The following TSC22D2 variants were observed in gnomAD, a reference collection of about 807,000 sequenced individuals.
TSC22D2 encodes TSC22 domain family protein 2.
TSC22D2 carries 5 observed loss-of-function variants against 50.1 expected under a neutral mutation model. The ratio of observed to expected loss-of-function variants is 0.10; its 90% CI spans 0.05 to 0.21. TSC22D2 has a LOEUF of 0.21. Ranked by LOEUF, TSC22D2 falls within the 10% of genes least tolerant of loss-of-function variation. The probability of loss-of-function intolerance (pLI) is 1.00; values close to 1 mark genes in which losing one functional copy is unlikely to be tolerated. For synonymous variants in TSC22D2, 501 were observed against 450.1 expected (o/e 1.11, Z -1.43); for missense variants, 1,003 against 1,015.5 (o/e 0.99, Z 0.17).
intron 1 of TSC22D2, among the ~76,000 whole-genome samples, chr3:150,447,189 T>C (rs1720913192): frequency 1.3e-5 from 2 of 152,244 alleles, no homozygotes; most frequent in South Asian, 2.1e-4. Context: ...AGAAATAATA[T>C]GTTGAATGCT....
At chr3:150,428,489 A>T (rs915251808) in intron 1 of TSC22D2, among the ~76,000 whole-genome samples, 1 of 152,084 alleles carries the variant, frequency 6.6e-6, no homozygotes, top group African/African-American at 2.4e-5. Context: ...GCCATTGTGA[A>T]TGACAGCATT....
intron 1 of TSC22D2, among the ~76,000 whole-genome samples, chr3:150,417,431 A>G (rs1719853714): frequency 6.6e-6 from 1 of 152,108 alleles, no homozygotes; most frequent in South Asian, 2.1e-4. Flanking sequence ...AAGACAAAAC[A>G]AAGGAGGGAG....
chr3:150,439,658 C>G (rs1278362801), intron 1 of TSC22D2, among the ~76,000 whole-genome samples: 3 of 151,716 alleles, frequency 2.0e-5, no homozygotes, highest in Non-Finnish European at 4.4e-5. Flanking sequence ...GTGAAAGGTT[C>G]AGAGCATTTG....
intron 1 of TSC22D2, among the ~76,000 whole-genome samples, chr3:150,453,033 A>G (rs1204712588): frequency 6.6e-6 from 1 of 152,208 alleles, no homozygotes; most frequent in African/African-American, 2.4e-5. Context: ...CAGTAATTGT[A>G]ACACTTGATT....
At chr3:150,447,927 T>G (rs1213535318) in intron 1 of TSC22D2, among the ~76,000 whole-genome samples, 1 of 152,160 alleles carries the variant, frequency 6.6e-6, no homozygotes, top group Non-Finnish European at 1.5e-5. Flanking sequence ...TTACATCCCT[T>G]GGTATGTATT....
intron 1 of TSC22D2, among the ~76,000 whole-genome samples, chr3:150,427,021 TTA>T (rs1720215569): frequency 6.6e-6 from 1 of 152,134 alleles, no homozygotes; most frequent in Non-Finnish European, 1.5e-5. Context: ...ACTAAGCTGT[TTA>T]TGTCATAAAT....
chr3:150,409,166 C>A lies in TSC22D2; in HGVS notation c.-185C>A, dbSNP rs1719393723. 1 of 563,494 alleles carries A rather than the reference C, an allele frequency of 1.8e-6. No homozygotes were observed. The highest frequency in any genetic ancestry group is 3.1e-6 in the Non-Finnish European group (1 of 326,362). 34.9% of individuals were successfully genotyped at this position (563,494 alleles called of 1,614,324 possible). A position where few individuals can be genotyped will look rare whatever the true frequency, so the allele number is the denominator to read the frequency against. On this transcript the variant is annotated 5_prime_UTR_variant, in exon 1 of 3. Coordinates refer to ENST00000688009, the MANE Select transcript of TSC22D2 (RefSeq NM_001303264.2). This position sits in a 1 kb window ranked among gnomAD's most constrained non-coding sequence, Gnocchi z 7.4. ...GAAGAGACCGACACAGAGAAGGAAA[C>A]GAGGAGGAGGATGTCTCACCGGGCG... is the stretch of plus-strand genomic sequence containing the variant.
intron 1 of TSC22D2, among the ~76,000 whole-genome samples, chr3:150,417,234 T>C (rs1719846053): frequency 6.6e-6 from 1 of 152,182 alleles, no homozygotes; most frequent in Non-Finnish European, 1.5e-5. Context: ...GGCATAGTTT[T>C]AAATGTTAGT....
intron 2 of TSC22D2, among the ~76,000 whole-genome samples, chr3:150,457,366 A>AG (rs1202758766): frequency 2.0e-5 from 3 of 152,182 alleles, no homozygotes; most frequent in Non-Finnish European, 2.9e-5. Flanking sequence ...ATCATTGATA[A>AG]GGGCCATTGG....
chr3:150,424,180 A>T (rs1436465646), intron 1 of TSC22D2, among the ~76,000 whole-genome samples: 1 of 152,190 alleles, frequency 6.6e-6, no homozygotes, highest in Non-Finnish European at 1.5e-5. Context: ...AGGAAGTTTT[A>T]AAATTTGTAG....
chr3:150,445,313 CAAAAATAAT>C (rs1389551704), intron 1 of TSC22D2, among the ~76,000 whole-genome samples: 6 of 97,808 alleles, frequency 6.1e-5, no homozygotes, highest in East Asian at 2.9e-4. Flanking sequence ...GACTCTGTCT[CAAAAATAAT>C]AATAATAATA....
intron 1 of TSC22D2, among the ~76,000 whole-genome samples, chr3:150,426,974 C>T (rs1050825260): frequency 1.3e-5 from 2 of 151,674 alleles, no homozygotes; most frequent in African/African-American, 2.4e-5. Context: ...TCATTGTTTC[C>T]TATGAGATTT....
At chr3:150,425,536 G>A (rs536468838) in intron 1 of TSC22D2, among the ~76,000 whole-genome samples, 22 of 152,226 alleles carry the variant, frequency 1.4e-4, no homozygotes, top group African/African-American at 5.1e-4. Context: ...AAGATATTTG[G>A]AAGTTTAAGG....
chr3:150,455,265 T>C (rs1354342647), intron 1 of TSC22D2, among the ~76,000 whole-genome samples: 1 of 152,202 alleles, frequency 6.6e-6, no homozygotes, highest in Admixed American at 6.5e-5. Flanking sequence ...CACTGAAGTA[T>C]ATACTAAAGC....
Position 150,410,484 on chromosome 3 carries a change from T to G in TSC22D2, c.1134T>G (p.Ser378Arg), listed in dbSNP as rs1278556432. 4.4e-6 allele frequency: 7 copies of G among 1,606,330 alleles called. No individual in the cohort carries two copies. The highest frequency in any genetic ancestry group is 5.9e-6 in the Non-Finnish European group (7 of 1,177,544). The change falls in exon 1 of 3, where the codon AGT (serine) becomes AGG (arginine). Residue 378 changes from serine to arginine, a missense_variant. Coordinates refer to ENST00000688009, the MANE Select transcript of TSC22D2 (RefSeq NM_001303264.2). ...HLLPVQPSGQ[S>R]EYLQQHVAGL... ...TGCCCGTCCAGCCCTCCGGCCAGAG[T>G]GAGTACCTGCAGCAGCACGTGGCCG... is the stretch of plus-strand genomic sequence containing the variant.
chr3:150,436,332 CT>C (rs1183723515), intron 1 of TSC22D2, among the ~76,000 whole-genome samples: 1 of 151,618 alleles, frequency 6.6e-6, no homozygotes, highest in Non-Finnish European at 1.5e-5. Flanking sequence ...CGTAACAAGG[CT>C]TTTTTTGTTG....
chr3:150,445,783 C>T (rs1720867067), intron 1 of TSC22D2, among the ~76,000 whole-genome samples: 1 of 152,088 alleles, frequency 6.6e-6, no homozygotes, highest in Admixed American at 6.6e-5. Context: ...TTGCTAGGAT[C>T]ACCCCACTAG....
chr3:150,450,789 T>C lies in TSC22D2; in HGVS notation c.1959-6287T>C, dbSNP rs575964289. Among the ~76,000 whole-genome samples the C allele has an allele frequency of 2.6e-5, 4 of 152,308 alleles. No homozygotes were observed. The East Asian group carries it at 7.7e-4, about 29-fold the overall frequency. ...TGTAGATTGATTAGATTTATTCCTTTGTAATCAGTGACTCGCATTTTCTTA... is the reference window on the plus strand; with the variant it reads ...TGTAGATTGATTAGATTTATTCCTTCGTAATCAGTGACTCGCATTTTCTTA... On this transcript the variant is annotated intron_variant, in intron 1 of 2. Coordinates refer to ENST00000688009, the MANE Select transcript of TSC22D2 (RefSeq NM_001303264.2).
In TSC22D2 at chr3:150,458,467, T is replaced by C. The variant is rs1379620124; in HGVS notation, c.2102T>C (p.Leu701Ser). The C allele has an allele frequency of 2.5e-6, 4 of 1,614,150 alleles. No individual in the cohort carries two copies. Among genetic ancestry groups the C allele is most frequent in the Non-Finnish European group, 2.5e-6 (3 of 1,180,020 alleles). Residue 701 changes from leucine to serine, a missense_variant, in exon 3 of 3, where the codon TTA becomes TCA. Physicochemically the swap from Leu to Ser is moderately radical, Grantham distance 145. Transcript: ENST00000688009. ...AAAGAATTAGTTGAAAGAAACTCTT[T>C]ACTTGAACGAGAAAATGCACTGTTA... Reference protein sequence around the residue: ...QIKELVERNSLLERENALLKS... With the variant: ...QIKELVERNSSLERENALLKS...
Sources: gnomAD v4.1 joint callset for allele counts (sites outside exome capture counted in the v4.1 genomes callset) on GRCh38, gnomAD v4.1.1 for gene constraint, Gnocchi (gnomAD v3.1) non-coding constraint, MANE v1.5 for transcripts, NCBI Gene and HGNC (gene_info 2026-07-23, HGNC 2026-07-21) for gene names.